Variants in TEP1 observed in about 807,000 individuals in gnomAD.
The protein encoded by TEP1 is telomerase protein component 1.
A neutral mutation model predicts 306.3 loss-of-function variants in TEP1; 241 were observed. The ratio of observed to expected loss-of-function variants is 0.79; its 90% CI spans 0.71 to 0.88. The LOEUF (loss-of-function observed/expected upper bound fraction) is 0.88. Ranked by LOEUF, TEP1 falls within the 40% of genes least tolerant of loss-of-function variation. The pLI is 0.00. For missense variants in TEP1, 3,051 were observed against 3,276.1 expected, an observed-to-expected ratio of 0.93 and a Z score of 1.68; for synonymous variants, 1,289 against 1,305.5, an observed-to-expected ratio of 0.99 and a Z score of 0.27.
chr14:20,390,304 T>C (rs35384067), intron 15 of TEP1, among the ~76,000 whole-genome samples: 1 of 152,094 alleles, frequency 6.6e-6, no homozygotes, highest in Non-Finnish European at 1.5e-5. Flanking sequence ...TTTTACTACA[T>C]TTTACTATTA....
intron 8 of TEP1, 22 bp from the exon 9 acceptor site, chr14:20,401,163 G>A (rs770021599): frequency 1.2e-6 from 2 of 1,612,714 alleles, no homozygotes; most frequent in Non-Finnish European, 1.7e-6. Context: ...TAAGAAAGAG[G>A]TCTATCATTT....
chr14:20,375,401 G>A (rs145146246), intron 43 of TEP1, among the ~76,000 whole-genome samples: 6 of 152,000 alleles, frequency 3.9e-5, no homozygotes, highest in African/African-American at 1.2e-4. Flanking sequence ...TGATCCACTC[G>A]CCTCGGCCTC....
At chr14:20,375,935 C>T in intron 42 of TEP1, 67 bp from the exon 43 acceptor site, 3 of 1,512,054 alleles carry the variant, frequency 2.0e-6, no homozygotes, top group Non-Finnish European at 2.7e-6. Flanking sequence ...GGAGCCATTT[C>T]AGGCAAGAAA....
chr14:20,369,917 A>AGTCTTT (rs59667471), intron 51 of TEP1, 138 bp from the exon 52 acceptor site: 85,196 of 571,856 alleles, frequency 0.15, 6,884 homozygotes, highest in African/African-American at 0.39. Context: ...CAAGTGCGCA[A>AGTCTTT]ATTTTTTTTT....
chr14:20,373,842 C>T, intron 44 of TEP1, 32 bp from the exon 45 acceptor site: 2 of 1,604,004 alleles, frequency 1.2e-6, no homozygotes, highest in Non-Finnish European at 1.7e-6. Flanking sequence ...AGAGCAGAGT[C>T]ATATTGAGCA....
In TEP1 at chr14:20,408,215, G is replaced by C. The variant is rs755591950; in HGVS notation, c.225C>G (p.Leu75=). ...HGYVSAHPDI[L]SLENQCLATL... ...TGGCCAGGCACTGGTTCTCCAAGGAGAGGATGTCTGGGTGGGCAGACACAT... is the reference window on the plus strand; with the variant it reads ...TGGCCAGGCACTGGTTCTCCAAGGACAGGATGTCTGGGTGGGCAGACACAT... Residue 75 remains leucine, a synonymous_variant, in exon 2 of 55, where the codon CTC becomes CTG. Coordinates refer to ENST00000262715, the MANE Select transcript of TEP1 (RefSeq NM_007110.5). The C allele has an allele frequency of 1.2e-6, 2 of 1,613,536 alleles. No homozygotes were observed. The highest frequency in any genetic ancestry group is 1.7e-6 in the Non-Finnish European group (2 of 1,179,576).
At position 20,391,095 on chromosome 14, in the gene TEP1, G is replaced by A. The variant is rs1284773929; in HGVS notation, c.2099C>T (p.Pro700Leu). The change falls in exon 14 of 55, where the codon CCC (proline) becomes CTC (leucine). Residue 700 changes from proline to leucine, a missense_variant and splice_region_variant. Pro to Leu is a moderately conservative substitution (Grantham distance 98). Transcript: ENST00000262715. The stretch of plus-strand genomic sequence containing the variant: ...CAACAGCAGTGCATAGTTCAGCGGG[G>A]GCTGATTGGACAAGTGTCAGGGGAA... Reference protein sequence around the residue: ...RLCPKSNPQGPPLNYALLLIG... With the variant: ...RLCPKSNPQGLPLNYALLLIG... The A allele has an allele frequency of 2.5e-6, 4 of 1,613,680 alleles. No individual in the cohort carries two copies. The Admixed American group carries it at 5.0e-5, about 20-fold the overall frequency.
chr14:20,393,628 C>A (rs1877925110), intron 12 of TEP1, among the ~76,000 whole-genome samples: 2 of 152,068 alleles, frequency 1.3e-5, no homozygotes, highest in Non-Finnish European at 2.9e-5. Context: ...CCTGTCTCTA[C>A]TAAAAATACA....
rs577049654 is a variant in TEP1, at chr14:20,382,136, C to T, written c.4274-73G>A. The T allele has an allele frequency of 7.2e-5, 116 of 1,611,408 alleles. 5 individuals are homozygous for T. In the South Asian group the frequency reaches 1.2e-3, roughly 17 times the overall value. On this transcript the variant is annotated intron_variant, in intron 29 of 54. Coordinates refer to ENST00000262715, the MANE Select transcript of TEP1 (RefSeq NM_007110.5). ...CCGCCCCCACCACACCCAGTCTCTC[C>T]TTGAACTGCCTGCTGAGACCCCAAG...
In TEP1 at chr14:20,389,861, G is replaced by A. The variant is rs1004265752; in HGVS notation, c.2335-121C>T. ...ACTCTGAGAGGAGTACCTCTCCTGAGAGCACATAGAATGAGGGAAGCCACT... is the reference window on the plus strand; with the variant it reads ...ACTCTGAGAGGAGTACCTCTCCTGAAAGCACATAGAATGAGGGAAGCCACT... On this transcript the variant is annotated intron_variant, in intron 15 of 54. Coordinates refer to ENST00000262715, the MANE Select transcript of TEP1 (RefSeq NM_007110.5). 18 of 1,301,020 alleles carry A rather than the reference G, an allele frequency of 1.4e-5. No homozygotes were observed. In the African/African-American group the frequency reaches 2.4e-4, roughly 17 times the overall value. 80.6% of individuals were successfully genotyped at this position (1,301,020 alleles called of 1,614,324 possible). A position where few individuals can be genotyped will look rare whatever the true frequency, so the allele number is the denominator to read the frequency against.
At chr14:20,375,383 T>C (rs1405842265) in intron 43 of TEP1, among the ~76,000 whole-genome samples, 1 of 152,100 alleles carries the variant, frequency 6.6e-6, no homozygotes, top group Non-Finnish European at 1.5e-5. Context: ...CTTGAACTCC[T>C]GGCCTCGTGA....
In TEP1 at chr14:20,386,114, G is replaced by A. The variant is rs1396837758; in HGVS notation, c.2943C>T (p.Pro981=). 1.9e-6 allele frequency: 3 copies of A among 1,612,992 alleles called. No homozygotes were observed. The African/African-American group carries it at 4.0e-5, about 22-fold the overall frequency. The change falls in exon 20 of 55, where the codon CCC becomes CCT. Residue 981 remains proline, a synonymous_variant. Transcript: ENST00000262715. ...GILGSRYGYI[P]PSYNLPDHPH... is the part of the protein sequence containing the mutation. ...GATGGTCAGGAAGGTTGTAGCTGGG[G>A]GGAATGTATCCATAACGGGAGCCCA...
intron 44 of TEP1, 69 bp from the exon 45 acceptor site, chr14:20,373,879 CA>C: frequency 6.4e-7 from 1 of 1,567,752 alleles, no homozygotes; most frequent in Non-Finnish European, 8.7e-7. Context: ...ACTTCCTCCA[CA>C]GAGGTGGGTG....
chr14:20,386,290 C>A (rs575552658), intron 19 of TEP1, 95 bp from the exon 20 acceptor site: 69 of 1,598,702 alleles, frequency 4.3e-5, no homozygotes, highest in Non-Finnish European at 5.4e-5. Flanking sequence ...TGACTCGCAA[C>A]TGAGTAAAGA....
Position 20,412,364 on chromosome 14 carries a change from A to G in TEP1, c.-25+1041T>C, listed in dbSNP as rs563272927. On this transcript the variant is annotated intron_variant, in intron 1 of 54. Coordinates refer to ENST00000262715, the MANE Select transcript of TEP1 (RefSeq NM_007110.5). ...GAGACTGTCCTATCCTTAAAAGGAC[A>G]GTCTCACTATTTTGCTCATTTTATT... Among the ~76,000 whole-genome samples, 159 of 152,256 alleles carry G rather than the reference A, an allele frequency of 1.0e-3. 1 individual carries two copies. Among genetic ancestry groups the G allele is most frequent in the African/African-American group, 3.7e-3 (153 of 41,544 alleles).
rs776298154 is a variant in TEP1, at chr14:20,391,073, C to T, written c.2121G>A (p.Leu707=). 1 of 1,614,178 alleles carries T rather than the reference C, an allele frequency of 6.2e-7. No individual in the cohort carries two copies. The highest frequency in any genetic ancestry group is 1.6e-4 in the Middle Eastern group (1 of 6,062). The change falls in exon 14 of 55, where the codon CTG becomes CTA. Residue 707 remains leucine (L), a synonymous_variant. Coordinates refer to ENST00000262715, the MANE Select transcript of TEP1 (RefSeq NM_007110.5). The part of the protein sequence containing the change: ...PQGPPLNYAL[L]LIGMMITRAE... ...CCCTCGTGATCATCATCCCAATCAA[C>T]AGCAGTGCATAGTTCAGCGGGGGCT...
intron 35 of TEP1, 46 bp from the exon 36 acceptor site, chr14:20,379,151 C>G (rs1289258951): frequency 1.2e-6 from 2 of 1,603,330 alleles, no homozygotes; most frequent in South Asian, 2.2e-5. Context: ...TCCCCTTGAC[C>G]CTCCAAGTCC....
rs1391612446 is a variant in TEP1, at chr14:20,380,416, T to C, written c.4822A>G (p.Thr1608Ala). ...LPEADVAVFR[T>A]FLRQQASILS... ...ATTGAAGCCTGCTGCCTCAGGAAGG[T>C]GCGAAACACTGCAACGTCAGCCTCG... Residue 1608 changes from threonine (T) to alanine (A), a missense_variant, in exon 34 of 55, where the codon ACC (threonine) becomes GCC (alanine). By Grantham distance (58) the Thr-to-Ala change is moderately conservative. Coordinates refer to ENST00000262715, the MANE Select transcript of TEP1 (RefSeq NM_007110.5). 6.2e-7 allele frequency: 1 copy of C among 1,613,960 alleles called. No individual in the cohort carries two copies. Among genetic ancestry groups the C allele is most frequent in the African/African-American group, 1.3e-5 (1 of 74,888 alleles).
At chr14:20,370,444 T>C (rs1269846778) in intron 51 of TEP1, among the ~76,000 whole-genome samples, 6 of 152,232 alleles carry the variant, frequency 3.9e-5, no homozygotes, top group African/African-American at 1.4e-4. Flanking sequence ...TGAAATCATA[T>C]AGTATGTACT....
Sources: gnomAD v4.1 joint callset for allele counts (sites outside exome capture counted in the v4.1 genomes callset) on GRCh38, gnomAD v4.1.1 for gene constraint, MANE v1.5 for transcripts, NCBI Gene and HGNC (gene_info 2026-07-23, HGNC 2026-07-21) for gene names.